DNAI4: variants seen among roughly 807,000 people sequenced by gnomAD.
DNAI4 encodes dynein axonemal intermediate chain 4, also known as WD repeat domain 78.
DNAI4 carries 85 observed loss-of-function variants against 105.8 expected under a neutral mutation model. The observed-to-expected ratio is 0.80, with a 90% CI of 0.67 to 0.96. DNAI4 has a LOEUF of 0.96. DNAI4 is among the 40% of genes least tolerant of loss of function. DNAI4 has a pLI of 0.00. For synonymous variants in DNAI4, 352 were observed against 331.5 expected, an observed-to-expected ratio of 1.06 and a Z score of -0.67; for missense variants, 1,014 against 1,005.6, an observed-to-expected ratio of 1.01 and a Z score of -0.11.
At chr1:66,862,910 A>G (rs928156434) in intron 6 of DNAI4, among the ~76,000 whole-genome samples, 6 of 152,232 alleles carry the variant, frequency 3.9e-5, no homozygotes, top group African/African-American at 1.4e-4. Context: ...ATTAATACAT[A>G]ATATATTGTC....
rs562830062 is a variant in DNAI4, at chr1:66,856,621, T to C, written c.1096+5526A>G. Among the ~76,000 whole-genome samples, 4 of 152,080 alleles carry C rather than the reference T, an allele frequency of 2.6e-5. No individual in the cohort carries two copies. In the South Asian group the frequency reaches 6.2e-4, roughly 24 times the overall value. ...AACACATTTGAAAAATTTAAAAGAA[T>C]AGAAATCATATACAGTCTCAGAACA... On this transcript the variant is annotated intron_variant, in intron 7 of 16. Transcript: ENST00000371026.
At chr1:66,888,232 T>C (rs1363024463) in intron 4 of DNAI4, among the ~76,000 whole-genome samples, 1 of 152,098 alleles carries the variant, frequency 6.6e-6, no homozygotes, top group African/African-American at 2.4e-5. Flanking sequence ...TGCAATTCAA[T>C]TGACCTGAAT....
chr1:66,887,921 T>C (rs183838905), intron 4 of DNAI4, among the ~76,000 whole-genome samples: 24 of 152,154 alleles, frequency 1.6e-4, no homozygotes, highest in African/African-American at 5.5e-4. Flanking sequence ...ATCGCACCAC[T>C]GCACTCCAGC....
At chr1:66,879,178 A>G (rs1647016476) in intron 4 of DNAI4, among the ~76,000 whole-genome samples, 1 of 152,164 alleles carries the variant, frequency 6.6e-6, no homozygotes, top group Admixed American at 6.6e-5. Context: ...TGCTTCACCT[A>G]TTCAACTCTC....
intron 1 of DNAI4, among the ~76,000 whole-genome samples, chr1:66,907,237 T>A (rs993928851): frequency 2.2e-4 from 33 of 152,208 alleles, no homozygotes; most frequent in African/African-American, 7.7e-4. Context: ...TAAAATTGAC[T>A]TCTCAGATTC....
intron 4 of DNAI4, among the ~76,000 whole-genome samples, chr1:66,884,740 G>C (rs1647156725): frequency 6.6e-6 from 1 of 152,102 alleles, no homozygotes; most frequent in Non-Finnish European, 1.5e-5. Flanking sequence ...TGTAAAATTA[G>C]TTTGGAAATG....
intron 1 of DNAI4, among the ~76,000 whole-genome samples, chr1:66,919,321 G>A (rs1650293402): frequency 1.3e-5 from 2 of 152,062 alleles, no homozygotes; most frequent in Admixed American, 1.3e-4. Context: ...CCATCTCAAA[G>A]TGAATATATG....
At position 66,891,196 on chromosome 1, in the gene DNAI4, C is replaced by G; in HGVS notation, c.601G>C (p.Glu201Gln). ...CTTTCCCGTTTATAGGATGGTTCTT[C>G]CAGGTCTTCTGCTATTGATTCACTT... ...SASESIAEDL[E>Q]EPSYKRERLT... The change falls in exon 4 of 17, where the codon GAA becomes CAA. Residue 201 changes from glutamate (E) to glutamine (Q), a missense_variant. By Grantham distance (29) the Glu-to-Gln change is conservative (BLOSUM62 2). Transcript: ENST00000371026. The G allele has an allele frequency of 6.2e-7, 1 of 1,613,882 alleles. No homozygotes were observed. The highest frequency in any genetic ancestry group is 8.5e-7 in the Non-Finnish European group (1 of 1,179,918).
intron 9 of DNAI4, 36 bp from the exon 10 acceptor site, chr1:66,837,832 A>C (rs979857553): frequency 1.9e-6 from 3 of 1,544,026 alleles, no homozygotes; most frequent in Non-Finnish European, 2.6e-6. Flanking sequence ...AAATAAGAGA[A>C]GATAGCATTA....
chr1:66,882,242 A>G lies in DNAI4; in HGVS notation c.644-7305T>C, dbSNP rs150921058. Among the ~76,000 whole-genome samples the G allele has an allele frequency of 3.2e-3, 494 of 152,296 alleles. 3 individuals carry two copies. Among genetic ancestry groups the G allele is most frequent in the African/African-American group, 0.011 (441 of 41,560 alleles). Reference sequence around the variant, plus strand: ...GTCCGTTATGATCTATTTGATTTGCAAACAATTTTCTCCCAGCCTGTGGTT... The same window carrying G: ...GTCCGTTATGATCTATTTGATTTGCGAACAATTTTCTCCCAGCCTGTGGTT... On this transcript the variant is annotated intron_variant, in intron 4 of 16. Coordinates refer to ENST00000371026, the MANE Select transcript of DNAI4 (RefSeq NM_024763.5).
chr1:66,893,379 C>T lies in DNAI4; in HGVS notation c.380G>A (p.Arg127Gln), dbSNP rs146236465. ...AAGTGGATCTGGATGGTAAAGAGGT[C>T]GGGGAGTAACATCAGTTCCATTTAT... ...FDINGTDVTP[R>Q]PLYHPDPLTG... The change falls in exon 3 of 17, where the codon CGA (arginine) becomes CAA (glutamine). Residue 127 changes from arginine (R) to glutamine (Q), a missense_variant. Physicochemically the swap from Arg to Gln is conservative, Grantham distance 43 (BLOSUM62 1). Coordinates refer to ENST00000371026, the MANE Select transcript of DNAI4 (RefSeq NM_024763.5). The T allele has an allele frequency of 1.2e-5, 19 of 1,582,154 alleles. No homozygotes were observed. Among genetic ancestry groups the T allele is most frequent in the Non-Finnish European group, 1.5e-5 (17 of 1,164,956 alleles).
intron 4 of DNAI4, among the ~76,000 whole-genome samples, chr1:66,884,112 C>A (rs1016952798): frequency 6.6e-6 from 1 of 152,174 alleles, no homozygotes; most frequent in Non-Finnish European, 1.5e-5. Flanking sequence ...TTTCACTTAG[C>A]ATAATGTTCT....
chr1:66,842,251 T>A (rs1357936242), intron 8 of DNAI4, among the ~76,000 whole-genome samples: 1 of 152,246 alleles, frequency 6.6e-6, no homozygotes, highest in East Asian at 1.9e-4. Flanking sequence ...TGCTTCCAAG[T>A]TGGGGCAATT....
chr1:66,893,063 G>GAGAGAGAGAGAGAAAGAAAGAA (rs879150798), intron 3 of DNAI4, among the ~76,000 whole-genome samples, 166 bp downstream of exon 3: 2 of 89,538 alleles, frequency 2.2e-5, no homozygotes, highest in Admixed American at 1.2e-4. Context: ...AAGAGAGAGA[G>GAGAGAGAGAGAGAAAGAAAGAA]AGAAAGAAAG....
intron 2 of DNAI4, among the ~76,000 whole-genome samples, chr1:66,900,497 A>G (rs1424592641): frequency 6.6e-6 from 1 of 152,224 alleles, no homozygotes; most frequent in African/African-American, 2.4e-5. Flanking sequence ...TTTGGGGAGT[A>G]TAACGATCTT....
intron 7 of DNAI4, among the ~76,000 whole-genome samples, chr1:66,853,127 C>T (rs1444201575): frequency 1.3e-5 from 2 of 152,176 alleles, no homozygotes; most frequent in African/African-American, 2.4e-5. Context: ...AAACGTATTA[C>T]TCACAGGTCT....
Position 66,862,301 on chromosome 1 carries a change from G to C in DNAI4, c.942C>G (p.Gly314=). The change falls in exon 7 of 17, where the codon GGC becomes GGG. Residue 314 remains glycine (G), a splice_region_variant and synonymous_variant. Coordinates refer to ENST00000371026, the MANE Select transcript of DNAI4 (RefSeq NM_024763.5). Reference sequence around the variant, plus strand: ...ACAAATCCCAGGCAGTGGACATTATGCCTAGATAAAGACACAGAAAGGTAA... The same window carrying C: ...ACAAATCCCAGGCAGTGGACATTATCCCTAGATAAAGACACAGAAAGGTAA... The part of the protein sequence containing the change: ...QCDKIIMEDK[G]IMSTAWDLYD... 1 of 1,605,034 alleles carries C rather than the reference G, an allele frequency of 6.2e-7. No individual in the cohort carries two copies. The highest frequency in any genetic ancestry group is 8.5e-7 in the Non-Finnish European group (1 of 1,177,310).
chr1:66,924,052 T>C (rs1020078831), intron 1 of DNAI4, among the ~76,000 whole-genome samples: 2 of 152,232 alleles, frequency 1.3e-5, no homozygotes, highest in Non-Finnish European at 2.9e-5. Flanking sequence ...CTCTTGAACG[T>C]CTGGGCACAG....
intron 2 of DNAI4, 58 bp from the exon 3 acceptor site, chr1:66,893,471 C>T (rs868115117): frequency 8.3e-7 from 1 of 1,211,086 alleles, no homozygotes; most frequent in Middle Eastern, 2.1e-4. Context: ...TTCTAAATAA[C>T]AGCTGCTAGA....
Sources: allele counts gnomAD v4.1 joint callset (sites outside exome capture counted in the v4.1 genomes callset), GRCh38; gene constraint gnomAD v4.1.1; transcripts MANE v1.5; gene names NCBI Gene and HGNC (gene_info 2026-07-23, HGNC 2026-07-21).